SLC1A3: variants seen among roughly 807,000 people sequenced by gnomAD.
The protein encoded by SLC1A3 is excitatory amino acid transporter 1.
SLC1A3 carries 21 observed loss-of-function variants against 48.1 expected under a neutral mutation model. The observed-to-expected ratio is 0.44, with a 90% CI of 0.31 to 0.63. SLC1A3 has a LOEUF of 0.63. Among genes scored for constraint, SLC1A3 ranks in the 20% least tolerant of loss-of-function variants. The pLI is 0.08. For missense variants in SLC1A3, 546 were observed against 689.0 expected (o/e 0.79, Z 2.32); for synonymous variants, 239 against 251.4 (o/e 0.95, Z 0.47).
chr5:36,632,073 TG>T (rs1450634208), intron 3 of SLC1A3, among the ~76,000 whole-genome samples: 3 of 152,200 alleles, frequency 2.0e-5, no homozygotes, highest in African/African-American at 7.2e-5. Context: ...GATAGAGTCA[TG>T]GATACAGAGA....
At position 36,649,503 on chromosome 5, in the gene SLC1A3, G is replaced by T. The variant is rs115131395; in HGVS notation, c.319+19916G>T. On this transcript the variant is annotated intron_variant, in intron 3 of 9. Coordinates refer to ENST00000265113, the MANE Select transcript of SLC1A3 (RefSeq NM_004172.5). ...GCTGACAAGACTAAGATTAAAAAGT[G>T]ACATAAAGCGTAGGACTGCAGCCTT... Among the ~76,000 whole-genome samples, 983 of 152,278 alleles carry T rather than the reference G, an allele frequency of 6.5e-3. 15 individuals carry two copies. The highest frequency in any genetic ancestry group is 0.023 in the African/African-American group (952 of 41,540).
At chr5:36,609,562 TA>T (rs1271853141) in intron 2 of SLC1A3, among the ~76,000 whole-genome samples, 3 of 152,326 alleles carry the variant, frequency 2.0e-5, no homozygotes, top group Admixed American at 6.5e-5. Flanking sequence ...TAATAAAGAT[TA>T]AGAAAATTCT....
At position 36,599,026 on chromosome 5, in the gene SLC1A3, T is replaced by G. The variant is rs929914044; in HGVS notation, c.-96+2348T>G. ...AGTATTAATGAGATATTTTACATTT[T>G]GGGGGTACTAAGTTTTCAAAATCTA... On this transcript the variant is annotated intron_variant, in intron 1 of 9. Transcript: ENST00000680318. 5.3e-5 allele frequency among the ~76,000 whole-genome samples: 8 copies of G among 152,360 alleles called. No homozygotes were observed. The South Asian group carries it at 1.0e-3, about 20-fold the overall frequency.
At chr5:36,616,193 TAAAA>T (rs960031656) in intron 2 of SLC1A3, among the ~76,000 whole-genome samples, 2 of 148,294 alleles carry the variant, frequency 1.3e-5, no homozygotes, top group Non-Finnish European at 3.0e-5. Context: ...AGACTCCATC[TAAAA>T]AAAAAAGATG....
chr5:36,625,027 G>A (rs1478949943), intron 2 of SLC1A3, among the ~76,000 whole-genome samples: 3 of 152,224 alleles, frequency 2.0e-5, no homozygotes, highest in African/African-American at 7.2e-5. Flanking sequence ...ACAAGAGCAT[G>A]TTTGTGTTTG....
chr5:36,651,311 T>C (rs374267599), intron 3 of SLC1A3, among the ~76,000 whole-genome samples: 15 of 151,514 alleles, frequency 9.9e-5, no homozygotes, highest in Admixed American at 5.9e-4. Context: ...CAACACCATA[T>C]TGATCCTAAT....
chr5:36,608,803 G>A (rs1687716861), intron 2 of SLC1A3, 199 bp downstream of exon 2: 1 of 1,362,826 alleles, frequency 7.3e-7, no homozygotes, highest in Non-Finnish European at 9.4e-7. Context: ...ACATCATTAG[G>A]CATCATTAGG....
chr5:36,660,820 C>T (rs956691954), intron 3 of SLC1A3, among the ~76,000 whole-genome samples: 2 of 152,200 alleles, frequency 1.3e-5, no homozygotes, highest in Admixed American at 1.3e-4. Flanking sequence ...AAGGGGGTGC[C>T]GTTGGCCACA....
intron 2 of SLC1A3, among the ~76,000 whole-genome samples, chr5:36,626,805 C>G (rs1385404648): frequency 6.6e-6 from 1 of 152,178 alleles, no homozygotes; most frequent in African/African-American, 2.4e-5. Context: ...GTTATGGATA[C>G]TGCTGTGTTA....
At chr5:36,675,597 T>C (rs2301064) in intron 5 of SLC1A3, among the ~76,000 whole-genome samples, 13,358 of 152,240 alleles carry the variant, frequency 0.088, 1,790 homozygotes, top group African/African-American at 0.29. Flanking sequence ...CTAAGGGGAA[T>C]GAGTTAGAGG....
chr5:36,620,518 T>C (rs1194297027), intron 2 of SLC1A3, among the ~76,000 whole-genome samples: 3 of 152,242 alleles, frequency 2.0e-5, no homozygotes, highest in South Asian at 2.1e-4. Flanking sequence ...TCAGATTTAC[T>C]GGGGAGCACA....
chr5:36,658,667 G>A (rs1307284014), intron 3 of SLC1A3, among the ~76,000 whole-genome samples: 1 of 152,132 alleles, frequency 6.6e-6, no homozygotes, highest in Non-Finnish European at 1.5e-5. Flanking sequence ...TTAGAAGATT[G>A]TGAGCACCAT....
At chr5:36,608,192 A>G in intron 1 of SLC1A3, 137 bp from the exon 2 acceptor site, 2 of 533,390 alleles carry the variant, frequency 3.7e-6, no homozygotes, top group Middle Eastern at 5.0e-4. Context: ...TGCAACCTTG[A>G]GGTCTGGTAT....
chr5:36,617,739 C>T (rs1251252951), intron 2 of SLC1A3, among the ~76,000 whole-genome samples: 2 of 152,058 alleles, frequency 1.3e-5, no homozygotes, highest in Non-Finnish European at 2.9e-5. Flanking sequence ...TAGAAAGGCC[C>T]CTCATTCTTA....
At chr5:36,622,643 T>G (rs1363259673) in intron 2 of SLC1A3, among the ~76,000 whole-genome samples, 1 of 152,312 alleles carries the variant, frequency 6.6e-6, no homozygotes, top group South Asian at 2.1e-4. Context: ...ACCTATGATA[T>G]CTTCTTTCTG....
At chr5:36,665,676 C>T (rs1741711901) in intron 3 of SLC1A3, among the ~76,000 whole-genome samples, 1 of 152,142 alleles carries the variant, frequency 6.6e-6, no homozygotes, top group Non-Finnish European at 1.5e-5. Context: ...CCAGTGAAAA[C>T]CCTATGAGGG....
intron 2 of SLC1A3, among the ~76,000 whole-genome samples, chr5:36,610,787 G>T (rs1739161624): frequency 6.6e-6 from 1 of 152,212 alleles, no homozygotes; most frequent in South Asian, 2.1e-4. Context: ...ATTGCAATAA[G>T]AGTTGGCTGA....
At chr5:36,643,936 G>A (rs1376358369) in intron 3 of SLC1A3, among the ~76,000 whole-genome samples, 1 of 152,068 alleles carries the variant, frequency 6.6e-6, no homozygotes, top group East Asian at 1.9e-4. Context: ...GGAGGTTGCA[G>A]TGAGCCAAGA....
At chr5:36,621,613 C>A (rs573636492) in intron 2 of SLC1A3, among the ~76,000 whole-genome samples, 3 of 152,206 alleles carry the variant, frequency 2.0e-5, no homozygotes, top group East Asian at 1.9e-4. Context: ...AATCTTGGAG[C>A]CTTCTTCATT....
Sources: allele counts gnomAD v4.1 joint callset (sites outside exome capture counted in the v4.1 genomes callset), GRCh38; gene constraint gnomAD v4.1.1; transcripts MANE v1.5; gene names NCBI Gene and HGNC (gene_info 2026-07-23, HGNC 2026-07-21).